The following IMMP1L variants were observed in gnomAD, a reference collection of about 807,000 sequenced individuals.
The protein encoded by IMMP1L is inner mitochondrial membrane peptidase subunit 1.
A neutral mutation model predicts 21.8 loss-of-function variants in IMMP1L; 24 were observed. The observed-to-expected ratio is 1.10, with a 90% confidence interval of 0.80 to 1.55. The LOEUF (loss-of-function observed/expected upper bound fraction) is 1.55, where lower values mean the gene tolerates loss of function less well. Ranked by LOEUF, IMMP1L falls within the 40% of genes most tolerant of loss-of-function variation. The probability of loss-of-function intolerance (pLI) is 0.00; values close to 1 mark genes in which losing one functional copy is unlikely to be tolerated. For missense variants in IMMP1L, 195 were observed against 200.7 expected (o/e 0.97, Z 0.17); for synonymous variants, 46 against 62.8 (o/e 0.73, Z 1.26).
chr11:31,460,722 G>A lies in IMMP1L; in HGVS notation c.106-8C>T, dbSNP rs374694863. The A allele has an allele frequency of 1.2e-5, 19 of 1,530,578 alleles. No homozygotes were observed. The highest frequency in any genetic ancestry group is 2.3e-5 in the East Asian group (1 of 44,322). 94.8% of individuals were successfully genotyped at this position (1,530,578 alleles called of 1,614,324 possible). ...CATTGATGGTCCAGAACACTGAAAA[G>A]AGAGGTAATTTGTAATCTAAATTCA... On this transcript the variant is annotated splice_region_variant and splice_polypyrimidine_tract_variant and intron_variant, in intron 2 of 5. Transcript: ENST00000532287.
chr11:31,482,401 T>C (rs546990130), intron 1 of IMMP1L, among the ~76,000 whole-genome samples: 4 of 151,980 alleles, frequency 2.6e-5, no homozygotes, highest in Admixed American at 6.6e-5. Context: ...AAAGCACTAT[T>C]AAGAGAGTAA....
chr11:31,498,353 C>T (rs957887528), intron 1 of IMMP1L, among the ~76,000 whole-genome samples: 1 of 152,136 alleles, frequency 6.6e-6, no homozygotes, highest in Non-Finnish European at 1.5e-5. Context: ...CACTGGACAA[C>T]ACTGTTATAA....
intron 4 of IMMP1L, among the ~76,000 whole-genome samples, chr11:31,437,805 T>C (rs923314397): frequency 6.6e-6 from 1 of 152,184 alleles, no homozygotes; most frequent in African/African-American, 2.4e-5. Flanking sequence ...TGTTACTAGA[T>C]AGTAGTTGTG....
rs771858465 is a variant in IMMP1L at position 31,432,526 on chromosome 11, T to G, written c.475A>C (p.Asn159His). The G allele has an allele frequency of 1.2e-6, 2 of 1,612,638 alleles. No individual in the cohort carries two copies. Among genetic ancestry groups the G allele is most frequent in the Non-Finnish European group, 8.5e-7 (1 of 1,179,002 alleles). Reference sequence around the variant, plus strand: ...TAATCATCAGAAAATCTGTGGCCATTAGGGCTGGCACGTAAAAATCCAAAA... The same window carrying G: ...TAATCATCAGAAAATCTGTGGCCATGAGGGCTGGCACGTAAAAATCCAAAA... Reference protein sequence around the residue: ...SDFGFLRASPNGHRFSDD With the variant: ...SDFGFLRASPHGHRFSDD Residue 159 changes from asparagine (N) to histidine (H), a missense_variant, in exon 6 of 6, where the codon AAT becomes CAT. Physicochemically the swap from Asn to His is moderately conservative, Grantham distance 68 (BLOSUM62 1). Coordinates refer to ENST00000532287, the MANE Select transcript of IMMP1L (RefSeq NM_001304274.2).
chr11:31,492,271 A>T (rs1592032759), intron 1 of IMMP1L, among the ~76,000 whole-genome samples: 1 of 152,132 alleles, frequency 6.6e-6, no homozygotes, highest in Admixed American at 6.6e-5. Context: ...TTCTCTCCTT[A>T]AACCTCATTA....
chr11:31,455,266 G>C (rs1039813142), intron 4 of IMMP1L, among the ~76,000 whole-genome samples: 7 of 152,160 alleles, frequency 4.6e-5, no homozygotes, highest in African/African-American at 1.7e-4. Flanking sequence ...GATGAATATA[G>C]AGATAATGTT....
At chr11:31,480,148 T>C (rs998249566) in intron 1 of IMMP1L, among the ~76,000 whole-genome samples, 23 of 152,038 alleles carry the variant, frequency 1.5e-4, no homozygotes, top group African/African-American at 4.8e-4. Flanking sequence ...TCAAAAAACA[T>C]GTTTGGATCT....
chr11:31,460,727 G>A lies in IMMP1L; in HGVS notation c.106-13C>T. ...ATGGTCCAGAACACTGAAAAGAGAG[G>A]TAATTTGTAATCTAAATTCAAAATC... is the stretch of plus-strand genomic sequence containing the variant. On this transcript the variant is annotated splice_polypyrimidine_tract_variant and intron_variant, in intron 2 of 5. Coordinates refer to ENST00000532287, the MANE Select transcript of IMMP1L (RefSeq NM_001304274.2). 6.9e-7 allele frequency: 1 copy of A among 1,451,726 alleles called. No individual in the cohort carries two copies. The highest frequency in any genetic ancestry group is 9.6e-7 in the Non-Finnish European group (1 of 1,041,224). 89.9% of individuals were successfully genotyped at this position (1,451,726 alleles called of 1,614,324 possible). A position where few individuals can be genotyped will look rare whatever the true frequency, so the allele number is the denominator to read the frequency against.
At chr11:31,479,619 A>G (rs879570981) in intron 1 of IMMP1L, among the ~76,000 whole-genome samples, 8 of 152,080 alleles carry the variant, frequency 5.3e-5, no homozygotes, top group Non-Finnish European at 8.8e-5. Flanking sequence ...GAGATGTACT[A>G]TAAGTATTAA....
intron 1 of IMMP1L, among the ~76,000 whole-genome samples, chr11:31,494,452 G>A (rs1234547957): frequency 6.6e-6 from 1 of 152,180 alleles, no homozygotes; most frequent in African/African-American, 2.4e-5. Flanking sequence ...CCCTGCCCAG[G>A]AAACCATTTT....
At chr11:31,445,156 C>T (rs1953471375) in intron 4 of IMMP1L, among the ~76,000 whole-genome samples, 1 of 152,190 alleles carries the variant, frequency 6.6e-6, no homozygotes, top group East Asian at 1.9e-4. Context: ...CTTAATTCAA[C>T]AAAGGGTATT....
chr11:31,500,890 A>C (rs1015817308), intron 1 of IMMP1L, among the ~76,000 whole-genome samples: 5 of 152,226 alleles, frequency 3.3e-5, no homozygotes, highest in Admixed American at 3.3e-4. Context: ...ATGGACTACA[A>C]GGCCTAAAAT....
intron 1 of IMMP1L, among the ~76,000 whole-genome samples, chr11:31,489,455 T>C (rs1955186148): frequency 1.3e-5 from 2 of 152,218 alleles, no homozygotes; most frequent in Admixed American, 1.3e-4. Flanking sequence ...AGTTTAACTT[T>C]GGCGAATGAT....
chr11:31,498,453 T>C (rs1377602642), intron 1 of IMMP1L, among the ~76,000 whole-genome samples: 3 of 152,194 alleles, frequency 2.0e-5, no homozygotes, highest in East Asian at 1.9e-4. Context: ...AAACAAGTCT[T>C]ATGAAACTCA....
In IMMP1L at chr11:31,497,514, TG is replaced by T. The variant is rs1955488567; in HGVS notation, c.-30+12004del. 2.0e-5 allele frequency among the ~76,000 whole-genome samples: 3 copies of T among 149,024 alleles called. No individual in the cohort carries two copies. In the South Asian group the frequency reaches 6.4e-4, roughly 32 times the overall value. The stretch of plus-strand genomic sequence containing the variant: ...GTCTCGCTCTGTCGCCAGACTGGAG[TG>T]CAGTGGTGCGATCTCCGCTCACCGC... On this transcript the variant is annotated intron_variant, in intron 1 of 5. Coordinates refer to ENST00000532287, the MANE Select transcript of IMMP1L (RefSeq NM_001304274.2).
intron 1 of IMMP1L, among the ~76,000 whole-genome samples, chr11:31,483,550 T>C (rs368522595): frequency 1.3e-5 from 2 of 151,988 alleles, no homozygotes; most frequent in African/African-American, 4.8e-5. Context: ...CCCAATCATG[T>C]ATTCAGAGAT....
chr11:31,433,032 A>G (rs751554151), intron 5 of IMMP1L, among the ~76,000 whole-genome samples: 5 of 152,164 alleles, frequency 3.3e-5, no homozygotes, highest in Non-Finnish European at 7.4e-5. Context: ...AGTGAAAACA[A>G]TCTTCCCTAA....
At chr11:31,441,699 TTATAATAA>T (rs1340636474) in intron 4 of IMMP1L, among the ~76,000 whole-genome samples, 1 of 152,102 alleles carries the variant, frequency 6.6e-6, no homozygotes, top group African/African-American at 2.4e-5. Context: ...TATAGCAATA[TTATAATAA>T]TAAAATATGA....
intron 1 of IMMP1L, among the ~76,000 whole-genome samples, chr11:31,469,012 G>C (rs2133696806): frequency 6.6e-6 from 1 of 152,212 alleles, no homozygotes; most frequent in Non-Finnish European, 1.5e-5. Flanking sequence ...CAGTGTGTAT[G>C]AATCTCACTG....
Sources: gnomAD v4.1 joint callset for allele counts (sites outside exome capture counted in the v4.1 genomes callset) on GRCh38, gnomAD v4.1.1 for gene constraint, MANE v1.5 for transcripts, NCBI Gene and HGNC (gene_info 2026-07-23, HGNC 2026-07-21) for gene names.